SASH1: variants seen among roughly 807,000 people sequenced by gnomAD.
SASH1 encodes the protein SAM and SH3 domain-containing protein 1.
A neutral mutation model predicts 125.2 loss-of-function variants in SASH1; 44 were observed. The observed-to-expected ratio is 0.35, with a 90% CI of 0.28 to 0.45. The LOEUF is 0.45. Ranked by LOEUF, SASH1 falls within the 20% of genes least tolerant of loss-of-function variation. SASH1 has a pLI of 1.00. For synonymous variants in SASH1, 639 were observed against 649.1 expected (o/e 0.98, Z 0.24); for missense variants, 1,426 against 1,614.5 (o/e 0.88, Z 2.00).
chr6:148,201,830 G>T, the SASH1 span, among the ~76,000 whole-genome samples: 3 of 152,176 alleles, frequency 2.0e-5, no homozygotes, highest in Non-Finnish European at 1.5e-5. Flanking sequence ...AAAAATAAAA[G>T]ATATGGGGAT....
intron 1 of SASH1, among the ~76,000 whole-genome samples, chr6:148,369,560 CCT>C (rs1259176953): frequency 6.6e-5 from 10 of 152,082 alleles, no homozygotes; most frequent in African/African-American, 2.4e-4. Flanking sequence ...GAGGCAGATA[CCT>C]CTCTCCAAGA....
chr6:148,337,767 A>G (rs1781203479), intron 1 of SASH1, among the ~76,000 whole-genome samples: 2 of 152,236 alleles, frequency 1.3e-5, no homozygotes. Flanking sequence ...AATATGATGG[A>G]GACTAATTTC....
At chr6:148,223,202 G>T in the SASH1 span, among the ~76,000 whole-genome samples, 1 of 152,168 alleles carries the variant, frequency 6.6e-6, no homozygotes, top group African/African-American at 2.4e-5. Context: ...TGCCAGTCCT[G>T]CCTCTAACTA....
intron 1 of SASH1, among the ~76,000 whole-genome samples, chr6:148,350,837 T>A (rs1022374386): frequency 2.6e-5 from 4 of 152,254 alleles, no homozygotes; most frequent in Non-Finnish European, 5.9e-5. Context: ...TGAGATAAAA[T>A]GTATTTTTTG....
At position 148,546,065 on chromosome 6, in the gene SASH1, C is replaced by G. The variant is rs775724523; in HGVS notation, c.3399C>G (p.Asp1133Glu). The change falls in exon 19 of 20, where the codon GAC becomes GAG. Residue 1133 changes from aspartate (D) to glutamate (E), a missense_variant. Around this residue, in one of 3 missense-constraint regions of SASH1, gnomAD observed 634 missense variants for 694.4 expected, o/e 0.91. Transcript: ENST00000367467. ...PEALVQRYAE[D>E]LDQPERDVAA... ...CCCTGGTGCAGAGATACGCAGAGGA[C>G]TTGGATCAGCCCGAGCGGGACGTCG... The G allele has an allele frequency of 6.2e-7, 1 of 1,614,282 alleles. No individual in the cohort carries two copies.
intron 12 of SASH1, among the ~76,000 whole-genome samples, chr6:148,528,284 T>C (rs1781310981): frequency 6.6e-6 from 1 of 152,178 alleles, no homozygotes. Flanking sequence ...AAGGTAATTA[T>C]GACCATTCAA....
chr6:148,475,379 G>T (rs1033157104), intron 7 of SASH1, among the ~76,000 whole-genome samples: 1 of 152,136 alleles, frequency 6.6e-6, no homozygotes, highest in African/African-American at 2.4e-5. Flanking sequence ...GGCCCCAGCA[G>T]GTTTGGTGTC....
At chr6:148,443,849 C>T (rs1255986222) in intron 4 of SASH1, among the ~76,000 whole-genome samples, 1 of 152,190 alleles carries the variant, frequency 6.6e-6, no homozygotes, top group African/African-American at 2.4e-5. Context: ...TATTCCCTTA[C>T]ATCAAAATGC....
chr6:148,503,939 T>A (rs1253497907), intron 8 of SASH1, among the ~76,000 whole-genome samples: 1 of 152,170 alleles, frequency 6.6e-6, no homozygotes, highest in East Asian at 1.9e-4. Flanking sequence ...TCTCCAAATT[T>A]TTAATAATAT....
At chr6:148,315,758 G>A (rs1478642932) in intron 1 of SASH1, among the ~76,000 whole-genome samples, 1 of 152,108 alleles carries the variant, frequency 6.6e-6, no homozygotes, top group Non-Finnish European at 1.5e-5. Context: ...TTAAAAATTA[G>A]CTGGGTGTGG....
chr6:148,277,915 T>A (rs1380024240), intron 1 of SASH1, among the ~76,000 whole-genome samples: 1 of 152,036 alleles, frequency 6.6e-6, no homozygotes, highest in African/African-American at 2.4e-5. Flanking sequence ...CGGGGTTTCA[T>A]CATATTGGCC....
At chr6:148,292,732 G>T (rs760088121) in intron 1 of SASH1, among the ~76,000 whole-genome samples, 1 of 152,084 alleles carries the variant, frequency 6.6e-6, no homozygotes, top group Non-Finnish European at 1.5e-5. Context: ...TTGATCGTAG[G>T]TTCAATGCCA....
chr6:148,258,816 A>G, the SASH1 span, among the ~76,000 whole-genome samples: 1 of 152,268 alleles, frequency 6.6e-6, no homozygotes, highest in South Asian at 2.1e-4. Flanking sequence ...TGCACTTCAC[A>G]GGGTTCTGCA....
intron 1 of SASH1, among the ~76,000 whole-genome samples, chr6:148,285,908 G>T (rs1779469413): frequency 2.0e-5 from 3 of 151,628 alleles, no homozygotes; most frequent in African/African-American, 7.3e-5. Flanking sequence ...GCTTGCATGG[G>T]TTGGAAATTA....
intron 4 of SASH1, among the ~76,000 whole-genome samples, chr6:148,441,827 A>G (rs907465337): frequency 3.3e-5 from 5 of 152,134 alleles, no homozygotes; most frequent in African/African-American, 1.2e-4. Flanking sequence ...TTCCGTGTTT[A>G]TATCCTTTAC....
rs750337358 is a variant in SASH1 at position 148,532,762 on chromosome 6, GA to G, written c.1565-34del. The stretch of plus-strand genomic sequence containing the variant: ...TCTGCTTTGCTGGGTGGGAAATCTG[GA>G]TCTACCCGTGTTCTTCCTATGTTTC... On this transcript the variant is annotated intron_variant, in intron 13 of 19. Transcript: ENST00000367467. The surrounding 1 kb of genome is among the most constrained non-coding windows in gnomAD (Gnocchi z 4.7). The G allele has an allele frequency of 3.7e-5, 60 of 1,610,280 alleles. No individual in the cohort carries two copies. In the South Asian group the frequency reaches 6.4e-4, roughly 17 times the overall value.
chr6:148,247,832 G>T, the SASH1 span, among the ~76,000 whole-genome samples: 1 of 152,198 alleles, frequency 6.6e-6, no homozygotes, highest in Non-Finnish European at 1.5e-5. Flanking sequence ...TTGATAAAGC[G>T]CTGCCACCCT....
In SASH1 at chr6:148,495,587, G is replaced by T. The variant is rs1404019120; in HGVS notation, c.729+7872G>T. On this transcript the variant is annotated intron_variant, in intron 8 of 19. Transcript: ENST00000367467. This position sits in a 1 kb window ranked among gnomAD's most constrained non-coding sequence, Gnocchi z 4.0. ...TCATGTGGAAAAGTCTGACCGCAAA[G>T]ATTTCTTTAATGGCAGCATATGATG... 6.6e-6 allele frequency among the ~76,000 whole-genome samples: 1 copy of T among 152,106 alleles called. No individual in the cohort carries two copies. The highest frequency in any genetic ancestry group is 2.4e-5 in the African/African-American group (1 of 41,404).
At chr6:148,365,412 C>G (rs988345479) in intron 1 of SASH1, among the ~76,000 whole-genome samples, 8 of 144,458 alleles carry the variant, frequency 5.5e-5, no homozygotes, top group African/African-American at 2.0e-4. Flanking sequence ...CTTTTACTAT[C>G]TTTTTTTTTT....
Sources: gnomAD v4.1 joint callset for allele counts (sites outside exome capture counted in the v4.1 genomes callset) on GRCh38, gnomAD v4.1.1 for gene constraint, gnomAD v4.1.1 regional missense constraint, Gnocchi (gnomAD v3.1) non-coding constraint, MANE v1.5 for transcripts, NCBI Gene and HGNC (gene_info 2026-07-23, HGNC 2026-07-21) for gene names.